CYYR1: variants seen among roughly 807,000 people sequenced by gnomAD.
The protein encoded by CYYR1 is cysteine and tyrosine-rich protein 1.
A neutral mutation model predicts 15.2 loss-of-function variants in CYYR1; 14 were observed. The ratio of observed to expected loss-of-function variants is 0.92; its 90% CI spans 0.61 to 1.44. The LOEUF (loss-of-function observed/expected upper bound fraction) is 1.44, where lower values mean the gene tolerates loss of function less well. Ranked by LOEUF, CYYR1 falls within the 40% of genes most tolerant of loss-of-function variation. The pLI is 0.00. For synonymous variants in CYYR1, 80 were observed against 77.4 expected (o/e 1.03, Z -0.18); for missense variants, 228 against 209.5 (o/e 1.09, Z -0.54).
intron 2 of CYYR1, among the ~76,000 whole-genome samples, chr21:26,565,320 G>T (rs1980534189): frequency 6.6e-6 from 1 of 152,132 alleles, no homozygotes; most frequent in African/African-American, 2.4e-5. Flanking sequence ...AGGCACATAT[G>T]ACTTAGCGCC....
intron 2 of CYYR1, among the ~76,000 whole-genome samples, chr21:26,546,534 T>C (rs1448451389): frequency 6.6e-6 from 1 of 152,232 alleles, no homozygotes; most frequent in South Asian, 2.1e-4. Flanking sequence ...GAAGTGATTA[T>C]GACCTATGTA....
chr21:26,540,809 A>G (rs962001056), intron 2 of CYYR1, among the ~76,000 whole-genome samples: 4 of 152,230 alleles, frequency 2.6e-5, no homozygotes, highest in African/African-American at 7.2e-5. Flanking sequence ...AAATAAACTG[A>G]TCCTGAAATG....
At chr21:26,530,048 GTAAA>G (rs1268881526) in intron 2 of CYYR1, among the ~76,000 whole-genome samples, 3 of 152,106 alleles carry the variant, frequency 2.0e-5, no homozygotes, top group African/African-American at 7.2e-5. Flanking sequence ...TACAACTATA[GTAAA>G]TAAATAAACC....
intron 2 of CYYR1, among the ~76,000 whole-genome samples, chr21:26,508,921 G>A (rs1469527065): frequency 6.6e-6 from 1 of 152,128 alleles, no homozygotes; most frequent in Non-Finnish European, 1.5e-5. Context: ...GTTTAGTGAG[G>A]ATTAGCCCAT....
intron 1 of CYYR1, among the ~76,000 whole-genome samples, chr21:26,570,528 T>C (rs1407977470): frequency 6.6e-6 from 1 of 152,192 alleles, no homozygotes; most frequent in South Asian, 2.1e-4. Flanking sequence ...GACAATAATA[T>C]CAACACTTCA....
At chr21:26,495,819 A>C (rs535887242) in intron 2 of CYYR1, among the ~76,000 whole-genome samples, 95 of 152,368 alleles carry the variant, frequency 6.2e-4, no homozygotes, top group African/African-American at 2.2e-3. Flanking sequence ...CCAGAATCTT[A>C]TTAAAATGGG....
At chr21:26,473,539 G>A (rs530267094) in intron 3 of CYYR1, among the ~76,000 whole-genome samples, 7 of 152,156 alleles carry the variant, frequency 4.6e-5, no homozygotes, top group South Asian at 2.1e-4. Context: ...TTTGCACATC[G>A]ATTTGTTAAT....
chr21:26,531,294 C>T (rs1481485238), intron 2 of CYYR1, among the ~76,000 whole-genome samples: 2 of 152,132 alleles, frequency 1.3e-5, no homozygotes, highest in Non-Finnish European at 2.9e-5. Context: ...GACAACCGTT[C>T]TTCTCATCCC....
intron 3 of CYYR1, among the ~76,000 whole-genome samples, chr21:26,469,815 C>CT (rs2065012915): frequency 6.6e-6 from 1 of 152,032 alleles, no homozygotes; most frequent in Non-Finnish European, 1.5e-5. Flanking sequence ...TCTGTTCTAC[C>CT]TTTTAATATA....
chr21:26,566,141 T>G, intron 2 of CYYR1, 125 bp downstream of exon 2: 1 of 664,770 alleles, frequency 1.5e-6, no homozygotes, highest in Non-Finnish European at 2.6e-6. Context: ...CAGTAAAGAT[T>G]TCATGTCAAT....
intron 2 of CYYR1, among the ~76,000 whole-genome samples, chr21:26,519,808 G>T (rs1359132024): frequency 1.3e-5 from 2 of 152,116 alleles, no homozygotes; most frequent in Non-Finnish European, 2.9e-5. Flanking sequence ...TTCAACCATT[G>T]TGGAAGATAG....
intron 2 of CYYR1, among the ~76,000 whole-genome samples, chr21:26,505,643 T>G (rs1342050566): frequency 1.3e-5 from 2 of 152,178 alleles, no homozygotes; most frequent in East Asian, 3.9e-4. Flanking sequence ...CAAGTTAAAT[T>G]AAGCCAATAT....
chr21:26,512,632 A>G lies in CYYR1; in HGVS notation c.177-32203T>C, dbSNP rs549780499. On this transcript the variant is annotated intron_variant, in intron 2 of 3. Transcript: ENST00000652641. ...CTTAAGTGGCTTAAAAAGTGAGAAG[A>G]GTAACATTTTGTGAAATTCAAATTT... Among the ~76,000 whole-genome samples the G allele has an allele frequency of 7.2e-5, 11 of 152,328 alleles. No homozygotes were observed. In the South Asian group the frequency reaches 2.3e-3, roughly 32 times the overall value.
intron 1 of CYYR1, 62 bp downstream of exon 1, chr21:26,572,806 C>A (rs1467792128): frequency 1.4e-5 from 23 of 1,594,352 alleles, no homozygotes; most frequent in Non-Finnish European, 1.9e-5. Context: ...CACGTTAGCC[C>A]GGACCGTGAC....
chr21:26,513,380 A>T (rs1292493117), intron 2 of CYYR1, among the ~76,000 whole-genome samples: 4 of 152,186 alleles, frequency 2.6e-5, no homozygotes, highest in African/African-American at 9.7e-5. Flanking sequence ...GGCTGAGACT[A>T]GGACTAGGAG....
chr21:26,529,753 G>A (rs1191383200), intron 2 of CYYR1, among the ~76,000 whole-genome samples: 1 of 152,164 alleles, frequency 6.6e-6, no homozygotes, highest in Non-Finnish European at 1.5e-5. Context: ...TTTGACACAG[G>A]TCACTGTGGT....
intron 3 of CYYR1, chr21:26,477,948 A>T: frequency 7.1e-7 from 1 of 1,404,874 alleles, no homozygotes; most frequent in Non-Finnish European, 9.3e-7. Flanking sequence ...TGTAGTGAGT[A>T]CATTCCAGGG....
intron 2 of CYYR1, among the ~76,000 whole-genome samples, chr21:26,559,891 TA>T (rs1309230946): frequency 6.6e-6 from 1 of 152,192 alleles, no homozygotes; most frequent in Non-Finnish European, 1.5e-5. Context: ...CTTCTGACCT[TA>T]TTCTTTTTCA....
In CYYR1 at chr21:26,540,500, A is replaced by T. The variant is rs192533694; in HGVS notation, c.176+25766T>A. On this transcript the variant is annotated intron_variant, in intron 2 of 3. Transcript: ENST00000652641. ...GCAAAGGAGAAACTATACAGGGTAG[A>T]GCATCACATTTTGCACATAAACTCT... 7.6e-4 allele frequency among the ~76,000 whole-genome samples: 116 copies of T among 152,256 alleles called. No homozygotes were observed. The South Asian group carries it at 0.015, about 19-fold the overall frequency.
Sources: allele counts gnomAD v4.1 joint callset (sites outside exome capture counted in the v4.1 genomes callset), GRCh38; gene constraint gnomAD v4.1.1; transcripts MANE v1.5; gene names NCBI Gene and HGNC (gene_info 2026-07-23, HGNC 2026-07-21).